Variants in ZNF593OS observed in about 807,000 individuals in gnomAD.
The protein encoded by ZNF593OS is ZNF593 opposite strand.
downstream of ZNF593OS, chr1:26,169,843 G>C: frequency 1.1e-6 from 1 of 910,886 alleles, no homozygotes; most frequent in Middle Eastern, 3.5e-4. Context: ...CGCTGGCCGA[G>C]AGTGACGTCA....
chr1:26,171,192 C>G lies in ZNF593OS; in HGVS notation c.189G>C (p.Pro63=). Reference sequence around the variant, plus strand: ...AAGTGAGAGTCTCTCTTCTTCGTTACGGGGCCCGTGGCACCCGCCGCTGCC... The same window carrying G: ...AAGTGAGAGTCTCTCTTCTTCGTTAGGGGGCCCGTGGCACCCGCCGCTGCC... The change falls in exon 2 of 2, where the codon CCG becomes CCC. Residue 63 remains proline, a synonymous_variant. Coordinates refer to ENST00000648649, the Ensembl canonical transcript of ZNF593OS. The surrounding 1 kb of genome is among the most constrained non-coding windows in gnomAD (Gnocchi z 5.5). 2.5e-6 allele frequency: 1 copy of G among 405,120 alleles called. No homozygotes were observed. Among genetic ancestry groups the G allele is most frequent in the East Asian group, 3.5e-5 (1 of 28,302 alleles). 25.1% of individuals were successfully genotyped at this position (405,120 alleles called of 1,614,324 possible).
downstream of ZNF593OS, chr1:26,169,971 G>A (rs748609009): frequency 6.5e-7 from 1 of 1,533,734 alleles, no homozygotes; most frequent in Non-Finnish European, 8.7e-7. Flanking sequence ...GGCCGGCCGG[G>A]CTGTTTCTGG....
rs1271319622 is a variant in ZNF593OS at position 26,171,636 on chromosome 1, C to T, written c.26G>A (p.Gly9Asp). 2 of 398,476 alleles carry T rather than the reference C, an allele frequency of 5.0e-6. No individual in the cohort carries two copies. Among genetic ancestry groups the T allele is most frequent in the African/African-American group, 4.1e-5 (2 of 48,596 alleles). 24.7% of individuals were successfully genotyped at this position (398,476 alleles called of 1,614,324 possible). ...ACTTACCTGTAACACCCGGAAGTAA[C>T]CAGGGGTCAAGCGTCGAAATCGCAT... The change falls in exon 1 of 2, where the codon GGT (glycine) becomes GAT (aspartate). Residue 9 changes from glycine to aspartate, a missense_variant. By Grantham distance (94) the Gly-to-Asp change is moderately conservative. Coordinates refer to ENST00000648649, the Ensembl canonical transcript of ZNF593OS. The surrounding 1 kb of genome is among the most constrained non-coding windows in gnomAD (Gnocchi z 5.5).
Position 26,171,600 on chromosome 1 carries a change from T to G in ZNF593OS, c.45+17A>C, listed in dbSNP as rs974383998. ...AGGGGTCAGTCGTGCCAGAAACCGT[T>G]GATCAGGGGTACTTACCTGTAACAC... On this transcript the variant is annotated intron_variant, in intron 1 of 1. Transcript: ENST00000648649. The surrounding 1 kb of genome is among the most constrained non-coding windows in gnomAD (Gnocchi z 5.5). The G allele has an allele frequency of 1.5e-5, 6 of 398,348 alleles. No individual in the cohort carries two copies. The highest frequency in any genetic ancestry group is 1.2e-4 in the African/African-American group (6 of 48,560). The allele number at this position is 398,348 out of a possible 1,614,324, so 24.7% of individuals were successfully genotyped here. A position where few individuals can be genotyped will look rare whatever the true frequency, so the allele number is the denominator to read the frequency against.
At chr1:26,170,040 G>A, downstream of ZNF593OS, 1 of 1,574,018 alleles carries the variant, frequency 6.4e-7, no homozygotes, top group South Asian at 1.2e-5. Flanking sequence ...CCCGGCAGAT[G>A]AAGGCGAAGC....
chr1:26,171,425 G>A lies in ZNF593OS; in HGVS notation c.46-90C>T. On this transcript the variant is annotated intron_variant, in intron 1 of 1. Coordinates refer to ENST00000648649, the Ensembl canonical transcript of ZNF593OS. The surrounding 1 kb of genome is among the most constrained non-coding windows in gnomAD (Gnocchi z 5.5). ...AAAGGGCTGAGTAGATGTAGCTAGG[G>A]GAAGGAGACATGGACGCCGGTCCTG... The A allele has an allele frequency of 5.0e-6, 2 of 398,970 alleles. No individual in the cohort carries two copies. Among genetic ancestry groups the A allele is most frequent in the Non-Finnish European group, 8.8e-6 (2 of 226,412 alleles). 24.7% of individuals were successfully genotyped at this position (398,970 alleles called of 1,614,324 possible).
chr1:26,170,058 G>T, downstream of ZNF593OS: 1 of 1,573,018 alleles, frequency 6.4e-7, no homozygotes, highest in Admixed American at 1.9e-5. Flanking sequence ...AGCGGCGGCG[G>T]CCGGACTTGG....
chr1:26,170,673 C>T (rs2124497980), exon 2 of ZNF593OS: 1 of 1,610,696 alleles, frequency 6.2e-7, no homozygotes, highest in Non-Finnish European at 8.5e-7. Context: ...GCAGTGCCCA[C>T]GGAAGTGTCC....
downstream of ZNF593OS, chr1:26,170,056 C>T (rs1257135811): frequency 2.5e-6 from 4 of 1,573,336 alleles, no homozygotes; most frequent in Non-Finnish European, 3.4e-6. Context: ...GAAGCGGCGG[C>T]GGCCGGACTT....
chr1:26,170,182 G>C (rs1172581824), downstream of ZNF593OS: 1 of 1,572,830 alleles, frequency 6.4e-7, no homozygotes, highest in Non-Finnish European at 8.6e-7. Flanking sequence ...TCTGGCCTGC[G>C]CGTGAGTCCC....
chr1:26,170,098 G>A (rs1391505162), downstream of ZNF593OS: 1 of 1,570,700 alleles, frequency 6.4e-7, no homozygotes, highest in Non-Finnish European at 8.6e-7. Context: ...GCGGCCTCAG[G>A]GATCCGCACG....
chr1:26,169,783 C>A (rs2088464843), downstream of ZNF593OS: 2 of 590,336 alleles, frequency 3.4e-6, no homozygotes, highest in Admixed American at 3.7e-5. Flanking sequence ...TCTGGGAGCC[C>A]GTCCTGAGCT....
chr1:26,170,031 C>A, downstream of ZNF593OS: 1 of 1,571,526 alleles, frequency 6.4e-7, no homozygotes, highest in Non-Finnish European at 8.6e-7. Context: ...ACTCTCTAGC[C>A]CGGCAGATGA....
At chr1:26,170,899 C>A in exon 2 of ZNF593OS, 1 of 762,942 alleles carries the variant, frequency 1.3e-6, no homozygotes, top group Non-Finnish European at 2.1e-6. Flanking sequence ...AACTTCCAGG[C>A]CGCTGTCTCA....
downstream of ZNF593OS, chr1:26,170,145 C>A: frequency 6.4e-7 from 1 of 1,572,270 alleles, no homozygotes; most frequent in Non-Finnish European, 8.6e-7. Context: ...TCGACCCCGA[C>A]CTGCCAGGGG....
At chr1:26,169,953 G>C, downstream of ZNF593OS, 1 of 1,519,632 alleles carries the variant, frequency 6.6e-7, no homozygotes, top group Non-Finnish European at 8.8e-7. Context: ...CCCTGCTCCT[G>C]GCCCCTTGGC....
At chr1:26,169,864 T>G (rs1323584934), downstream of ZNF593OS, 1 of 1,125,950 alleles carries the variant, frequency 8.9e-7, no homozygotes, top group Non-Finnish European at 1.2e-6. Flanking sequence ...TCAGAGGCGG[T>G]CCGGCCGAGC....
chr1:26,170,187 A>C (rs2088472377), downstream of ZNF593OS: 1 of 1,573,410 alleles, frequency 6.4e-7, no homozygotes, highest in Non-Finnish European at 8.6e-7. Context: ...CCTGCGCGTG[A>C]GTCCCGGACG....
chr1:26,169,993 T>G, downstream of ZNF593OS: 9 of 1,547,290 alleles, frequency 5.8e-6, no homozygotes, highest in Non-Finnish European at 7.8e-6. Flanking sequence ...CATGGGTCGC[T>G]CCCGCCGGAC....
Sources: allele counts gnomAD v4.1 joint callset, GRCh38; gene constraint gnomAD v4.1.1; non-coding constraint Gnocchi (gnomAD v3.1); transcripts MANE v1.5; gene names NCBI Gene and HGNC (gene_info 2026-07-23, HGNC 2026-07-21).